The following LYRM4 variants were observed in gnomAD, a reference collection of about 807,000 sequenced individuals.
The protein encoded by LYRM4 is LYR motif containing 4.
A neutral mutation model predicts 11.7 loss-of-function variants in LYRM4; 9 were observed. The observed-to-expected ratio is 0.77, with a 90% CI of 0.46 to 1.34. The LOEUF (loss-of-function observed/expected upper bound fraction) is 1.34, where lower values mean the gene tolerates loss of function less well. Ranked by LOEUF, LYRM4 falls within the 40% of genes most tolerant of loss-of-function variation. The pLI is 0.00. For missense variants in LYRM4, 133 were observed against 112.5 expected (o/e 1.18, Z -0.82); for synonymous variants, 42 against 40.4 (o/e 1.04, Z -0.15).
chr6:5,044,320 G>A, the LYRM4 span, among the ~76,000 whole-genome samples: 18 of 151,956 alleles, frequency 1.2e-4, no homozygotes, highest in Admixed American at 3.3e-4. Context: ...TAGTAGAGAT[G>A]GGGTTTCACC....
chr6:5,214,454 G>A (rs575156866), intron 2 of LYRM4, among the ~76,000 whole-genome samples: 80 of 152,334 alleles, frequency 5.3e-4, no homozygotes, highest in Middle Eastern at 3.4e-3. Flanking sequence ...CAGGTTTTAT[G>A]TTAGGGTGTC....
intron 1 of LYRM4, chr6:5,218,238 T>A: frequency 1.0e-6 from 1 of 984,948 alleles, no homozygotes. Context: ...CAGACTGCTC[T>A]GCTTTTAACT....
chr6:5,097,482 G>T, the LYRM4 span, among the ~76,000 whole-genome samples: 2 of 152,132 alleles, frequency 1.3e-5, no homozygotes, highest in African/African-American at 4.8e-5. Flanking sequence ...CTAAGTAGCT[G>T]GGACTACAGG....
chr6:5,208,359 A>G (rs1398097103), intron 2 of LYRM4, among the ~76,000 whole-genome samples: 1 of 152,254 alleles, frequency 6.6e-6, no homozygotes, highest in Non-Finnish European at 1.5e-5. Context: ...AGAGTTAATA[A>G]TATCTGCTTC....
intron 2 of LYRM4, among the ~76,000 whole-genome samples, chr6:5,149,247 GAC>G (rs1757953496): frequency 6.6e-6 from 1 of 152,200 alleles, no homozygotes; most frequent in South Asian, 2.1e-4. Flanking sequence ...AAGAAGCCCC[GAC>G]ACGTGGGAAA....
At chr6:5,193,125 A>G (rs1384943693) in intron 2 of LYRM4, among the ~76,000 whole-genome samples, 1 of 152,218 alleles carries the variant, frequency 6.6e-6, no homozygotes, top group Non-Finnish European at 1.5e-5. Context: ...ACAAGGCCTC[A>G]AAATGCAAGA....
intron 1 of LYRM4, among the ~76,000 whole-genome samples, chr6:5,228,584 G>C (rs1456433215): frequency 2.0e-5 from 3 of 152,016 alleles, no homozygotes; most frequent in African/African-American, 7.2e-5. Flanking sequence ...AGCCAAGAAA[G>C]TGTCTTTAAA....
At chr6:5,051,517 A>C in the LYRM4 span, among the ~76,000 whole-genome samples, 2 of 152,224 alleles carry the variant, frequency 1.3e-5, no homozygotes, top group Non-Finnish European at 2.9e-5. Context: ...GAGTTGATAC[A>C]TTCAGAGTGC....
At chr6:5,260,598 T>TGCCCCGGCCCCGGGGCC in intron 1 of LYRM4, 50 bp downstream of exon 1, 1 of 1,105,568 alleles carries the variant, frequency 9.0e-7, no homozygotes, top group Non-Finnish European at 1.3e-6. Flanking sequence ...GCACCCCCGG[T>TGCCCCGGCCCCGGGGCC]CCCCGGCCCC....
intron 1 of LYRM4, among the ~76,000 whole-genome samples, chr6:5,245,980 A>C (rs1764178910): frequency 6.6e-6 from 1 of 152,264 alleles, no homozygotes; most frequent in African/African-American, 2.4e-5. Context: ...TCTGGACTTT[A>C]TCCCAAAAAC....
chr6:5,204,204 TAA>T (rs1317355176), intron 2 of LYRM4, among the ~76,000 whole-genome samples: 2 of 151,940 alleles, frequency 1.3e-5, no homozygotes, highest in Admixed American at 6.6e-5. Context: ...CCAGGGAAAA[TAA>T]AAGAGTTCCA....
the LYRM4 span, among the ~76,000 whole-genome samples, chr6:5,064,295 G>A: frequency 6.6e-6 from 1 of 152,068 alleles, no homozygotes; most frequent in Non-Finnish European, 1.5e-5. Flanking sequence ...AACGGCAAAC[G>A]AGACGTGATA....
Position 5,220,133 on chromosome 6 carries a change from T to A in LYRM4, c.87-3395A>T, listed in dbSNP as rs1206388349. Among the ~76,000 whole-genome samples the A allele has an allele frequency of 2.6e-5, 4 of 152,308 alleles. 1 individual carries two copies. ...AAGTGCCCACAGGTTCTTTTTACCATTGCAAGGATTATACTCTTTTCTGAG... is the reference window on the plus strand; with the variant it reads ...AAGTGCCCACAGGTTCTTTTTACCAATGCAAGGATTATACTCTTTTCTGAG... On this transcript the variant is annotated intron_variant, in intron 1 of 2. Transcript: ENST00000330636.
intron 2 of LYRM4, among the ~76,000 whole-genome samples, chr6:5,168,228 A>C (rs879014733): frequency 6.6e-6 from 1 of 152,232 alleles, no homozygotes; most frequent in Non-Finnish European, 1.5e-5. Flanking sequence ...TCATGTAATA[A>C]GTAAATCAGG....
At chr6:5,072,273 G>A in the LYRM4 span, among the ~76,000 whole-genome samples, 1 of 152,138 alleles carries the variant, frequency 6.6e-6, no homozygotes, top group Non-Finnish European at 1.5e-5. Context: ...TGTGATTAGT[G>A]TTGCAATAAG....
At chr6:5,204,708 C>G (rs769182865) in intron 2 of LYRM4, among the ~76,000 whole-genome samples, 2 of 152,168 alleles carry the variant, frequency 1.3e-5, no homozygotes, top group Non-Finnish European at 2.9e-5. Flanking sequence ...CAAAAAAGCA[C>G]AGATGACAGA....
intron 1 of LYRM4, among the ~76,000 whole-genome samples, chr6:5,248,433 T>C (rs1342825150): frequency 6.6e-6 from 1 of 152,220 alleles, no homozygotes; most frequent in Non-Finnish European, 1.5e-5. Flanking sequence ...CTGAATGGCT[T>C]TTCAATGCCG....
At chr6:5,181,395 A>G (rs528368863) in intron 2 of LYRM4, among the ~76,000 whole-genome samples, 2 of 152,306 alleles carry the variant, frequency 1.3e-5, no homozygotes, top group African/African-American at 4.8e-5. Flanking sequence ...TGTGTCGTCA[A>G]TGATTTCTTT....
At chr6:5,042,406 A>AT in the LYRM4 span, 1 of 152,354 alleles carries the variant, frequency 6.6e-6, no homozygotes, top group East Asian at 1.9e-4. Flanking sequence ...GTATTTTATT[A>AT]TTACAGATTT....
Sources: gnomAD v4.1 joint callset for allele counts (sites outside exome capture counted in the v4.1 genomes callset) on GRCh38, gnomAD v4.1.1 for gene constraint, MANE v1.5 for transcripts, NCBI Gene and HGNC (gene_info 2026-07-23, HGNC 2026-07-21) for gene names.